Variants in RAPGEF2 observed in about 807,000 individuals in gnomAD.
RAPGEF2 encodes the protein PDZ domain containing guanine nucleotide exchange factor (GEF) 1.
In RAPGEF2, 54 loss-of-function variants were observed where a neutral mutation model predicts 186.7. The observed-to-expected ratio is 0.29, with a 90% CI of 0.23 to 0.36. The LOEUF (loss-of-function observed/expected upper bound fraction) is 0.36. Among genes scored for constraint, RAPGEF2 ranks in the 10% least tolerant of loss-of-function variants. The pLI is 1.00. For missense variants in RAPGEF2, 1,532 were observed against 2,045.0 expected (o/e 0.75, Z 4.84); for synonymous variants, 712 against 705.9 (o/e 1.01, Z -0.14).
At chr4:159,344,150 A>G in intron 23 of RAPGEF2, 91 bp downstream of exon 23, 1 of 1,413,386 alleles carries the variant, frequency 7.1e-7, no homozygotes, top group Non-Finnish European at 1.0e-6. Flanking sequence ...GATGCTTTGC[A>G]TTTTTGCATT....
intron 7 of RAPGEF2, among the ~76,000 whole-genome samples, chr4:159,298,776 T>C (rs1372642232): frequency 6.6e-6 from 1 of 152,156 alleles, no homozygotes; most frequent in Non-Finnish European, 1.5e-5. Flanking sequence ...CATCTAGGCT[T>C]AGATTCCAGC....
intron 1 of RAPGEF2, 58 bp from the exon 2 acceptor site, chr4:159,186,584 T>C (rs1476972081): frequency 3.3e-6 from 3 of 902,336 alleles, no homozygotes; most frequent in Non-Finnish European, 4.9e-6. Context: ...GTGTGACTTA[T>C]TTTAGAAACC....
rs755686698 is a variant in RAPGEF2, at chr4:159,341,983, G to A, written c.2918+36G>A. ...ACATTTTTTCTTAAGATTCAGTTCA[G>A]TTCACAGATTTAAAATATGTATCAG... On this transcript the variant is annotated intron_variant, in intron 20 of 29. Coordinates refer to ENST00000691494, the MANE Select transcript of RAPGEF2 (RefSeq NM_001394067.2). 9 of 1,530,478 alleles carry A rather than the reference G, an allele frequency of 5.9e-6. No individual in the cohort carries two copies. In the African/African-American group the frequency reaches 1.3e-4, roughly 21 times the overall value. 94.8% of individuals were successfully genotyped at this position (1,530,478 alleles called of 1,614,324 possible).
chr4:159,186,238 G>A (rs1315420569), intron 1 of RAPGEF2, among the ~76,000 whole-genome samples: 1 of 151,860 alleles, frequency 6.6e-6, no homozygotes, highest in Admixed American at 6.6e-5. Context: ...ATTTTTAAGT[G>A]TAGCCAGGAA....
At chr4:159,163,738 C>G (rs1744965945) in intron 1 of RAPGEF2, among the ~76,000 whole-genome samples, 1 of 152,008 alleles carries the variant, frequency 6.6e-6, no homozygotes, top group African/African-American at 2.4e-5. Context: ...TAATTGAGTC[C>G]TTACTGTGTG....
Position 159,186,697 on chromosome 4 carries a change from G to T in RAPGEF2, c.125G>T (p.Arg42Met). ...LHGMEALSNL[R>M]EHQLRLMCET... ...GGTATGGAAGCCTTATCAAACTTGA[G>T]GGAGCATCAACTTAGGTATGTCATT... The change falls in exon 2 of 30, where the codon AGG becomes ATG. Residue 42 changes from arginine (R) to methionine (M), a missense_variant. Physicochemically the swap from Arg to Met is moderately conservative, Grantham distance 91 (BLOSUM62 -1). Transcript: ENST00000691494. 1 of 1,468,462 alleles carries T rather than the reference G, an allele frequency of 6.8e-7. No individual in the cohort carries two copies. Among genetic ancestry groups the T allele is most frequent in the Non-Finnish European group, 9.1e-7 (1 of 1,094,222 alleles). 91.0% of individuals were successfully genotyped at this position (1,468,462 alleles called of 1,614,324 possible).
intron 4 of RAPGEF2, among the ~76,000 whole-genome samples, chr4:159,222,824 A>G (rs1330000158): frequency 6.6e-6 from 1 of 152,186 alleles, no homozygotes; most frequent in Non-Finnish European, 1.5e-5. Flanking sequence ...TGATATGTGA[A>G]GGAAATTATA....
intron 1 of RAPGEF2, among the ~76,000 whole-genome samples, chr4:159,162,221 C>CAAAAA (rs35274144): frequency 2.4e-4 from 24 of 98,220 alleles, no homozygotes; most frequent in African/African-American, 7.8e-4. Context: ...TGTGTTTCTT[C>CAAAAA]AAAAAAAAAA....
intron 26 of RAPGEF2, among the ~76,000 whole-genome samples, chr4:159,351,940 G>A (rs1009059182): frequency 1.3e-5 from 2 of 152,214 alleles, no homozygotes; most frequent in Non-Finnish European, 2.9e-5. Context: ...GACAGAGGGA[G>A]ACTCCGTCTC....
intron 7 of RAPGEF2, among the ~76,000 whole-genome samples, chr4:159,287,700 G>T (rs924908719): frequency 1.3e-5 from 2 of 152,018 alleles, no homozygotes. Flanking sequence ...GATTTATGGG[G>T]GTTTGTGGAA....
chr4:159,284,082 T>C (rs1760102561), intron 7 of RAPGEF2, among the ~76,000 whole-genome samples: 1 of 152,228 alleles, frequency 6.6e-6, no homozygotes. Context: ...AAATGACCAA[T>C]GTCAGGCTGA....
chr4:159,267,083 AG>A lies in RAPGEF2; in HGVS notation c.543+23295del, dbSNP rs946455252. Reference sequence around the variant, plus strand: ...TTGAGCTGAATATTTCAGTGTGTATAGGGAGAGGGAGGGTGAGAGAGAAATC... The same window carrying A: ...TTGAGCTGAATATTTCAGTGTGTATAGGAGAGGGAGGGTGAGAGAGAAATC... On this transcript the variant is annotated intron_variant, in intron 7 of 29. Transcript: ENST00000691494. The A allele has an allele frequency of 7.1e-6, 7 of 992,228 alleles. No homozygotes were observed. The Admixed American group carries it at 2.0e-4, about 28-fold the overall frequency. 61.5% of individuals were successfully genotyped at this position (992,228 alleles called of 1,614,324 possible). A position where few individuals can be genotyped will look rare whatever the true frequency, so the allele number is the denominator to read the frequency against.
chr4:159,161,300 T>C (rs1744679263), intron 1 of RAPGEF2, among the ~76,000 whole-genome samples: 1 of 152,234 alleles, frequency 6.6e-6, no homozygotes, highest in Non-Finnish European at 1.5e-5. Context: ...TTAACTGTGT[T>C]TGGAGGTAGT....
At position 159,233,727 on chromosome 4, in the gene RAPGEF2, G is replaced by T. The variant is rs193225809; in HGVS notation, c.282-5082G>T. 2.6e-5 allele frequency among the ~76,000 whole-genome samples: 4 copies of T among 151,986 alleles called. No individual in the cohort carries two copies. In the East Asian group the frequency reaches 5.8e-4, roughly 22 times the overall value. On this transcript the variant is annotated intron_variant, in intron 4 of 29. Transcript: ENST00000691494. The stretch of plus-strand genomic sequence containing the variant: ...TCTCACAAATCACTAAAGAACTTAT[G>T]TAACCAAGTGCCACCTATTCCCCAA...
rs1481496859 is a variant in RAPGEF2 at position 159,112,913 on chromosome 4, A to G, written c.69+8682A>G. 3.3e-5 allele frequency among the ~76,000 whole-genome samples: 5 copies of G among 152,232 alleles called. No individual in the cohort carries two copies. In the South Asian group the frequency reaches 6.2e-4, roughly 19 times the overall value. On this transcript the variant is annotated intron_variant, in intron 1 of 29. Transcript: ENST00000691494. ...CTGGTAATATCAAATTAACCAGATCATCAAAGTTAATATCATTAGTAATAA... is the reference window on the plus strand; with the variant it reads ...CTGGTAATATCAAATTAACCAGATCGTCAAAGTTAATATCATTAGTAATAA...
intron 17 of RAPGEF2, among the ~76,000 whole-genome samples, chr4:159,337,740 A>T (rs1767629905): frequency 6.6e-6 from 1 of 151,352 alleles, no homozygotes; most frequent in Admixed American, 6.6e-5. Context: ...ATACAAAAAA[A>T]TTAGCCGGGC....
Position 159,345,089 on chromosome 4 carries a change from A to T in RAPGEF2, c.3279-17A>T. The T allele has an allele frequency of 6.3e-7, 1 of 1,598,732 alleles. No individual in the cohort carries two copies. Among genetic ancestry groups the T allele is most frequent in the Non-Finnish European group, 8.6e-7 (1 of 1,166,220 alleles). ...CCATGCTAGAGTGAGCTGCATATGTACCTTTTCATCTTCCAGGTCTCTCAG... is the reference window on the plus strand; with the variant it reads ...CCATGCTAGAGTGAGCTGCATATGTTCCTTTTCATCTTCCAGGTCTCTCAG... On this transcript the variant is annotated splice_polypyrimidine_tract_variant and intron_variant, in intron 23 of 29. Coordinates refer to ENST00000691494, the MANE Select transcript of RAPGEF2 (RefSeq NM_001394067.2).
chr4:159,117,475 T>G (rs561169000), intron 1 of RAPGEF2, among the ~76,000 whole-genome samples: 9 of 152,208 alleles, frequency 5.9e-5, no homozygotes, highest in Non-Finnish European at 1.2e-4. Context: ...TCTGGTGTGG[T>G]TTAAATCTAC....
intron 9 of RAPGEF2, among the ~76,000 whole-genome samples, chr4:159,319,910 A>T (rs972518694): frequency 2.6e-5 from 4 of 152,196 alleles, no homozygotes; most frequent in Non-Finnish European, 5.9e-5. Context: ...TTGTGAAGGT[A>T]CTTTGTATTT....
Sources: allele counts gnomAD v4.1 joint callset (sites outside exome capture counted in the v4.1 genomes callset), GRCh38; gene constraint gnomAD v4.1.1; transcripts MANE v1.5; gene names NCBI Gene and HGNC (gene_info 2026-07-23, HGNC 2026-07-21).